TAFA2: variants seen among roughly 807,000 people sequenced by gnomAD.
TAFA2 encodes TAFA chemokine like family member 2.
In TAFA2, 7 loss-of-function variants were observed where a neutral mutation model predicts 18.8. The ratio of observed to expected loss-of-function variants is 0.37; its 90% CI spans 0.21 to 0.70. The LOEUF (loss-of-function observed/expected upper bound fraction) is 0.70, where lower values mean the gene tolerates loss of function less well. TAFA2 is among the 30% of genes least tolerant of loss of function. The pLI, the probability that TAFA2 is intolerant of heterozygous loss-of-function variation, is 0.53. For missense variants in TAFA2, 122 were observed against 158.1 expected, an observed-to-expected ratio of 0.77 and a Z score of 1.23; for synonymous variants, 60 against 54.2, an observed-to-expected ratio of 1.11 and a Z score of -0.47.
In TAFA2 at chr12:61,773,352, A is replaced by G. The variant is rs566928000; in HGVS notation, c.107-18328T>C. ...AGCATTCTTCACAGAAGTAGAAAAA[A>G]CAATCCTAAAATTCATGTAGAACCA... On this transcript the variant is annotated intron_variant, in intron 2 of 4. Coordinates refer to ENST00000416284, the MANE Select transcript of TAFA2 (RefSeq NM_178539.5). 1.7e-3 allele frequency among the ~76,000 whole-genome samples: 254 copies of G among 152,112 alleles called. 2 individuals carry two copies. Among genetic ancestry groups the G allele is most frequent in the African/African-American group, 5.8e-3 (239 of 41,554 alleles).
chr12:62,124,192 A>C (rs750981470), intron 1 of TAFA2, among the ~76,000 whole-genome samples: 31 of 152,194 alleles, frequency 2.0e-4, no homozygotes, highest in Non-Finnish European at 3.7e-4. Flanking sequence ...TACAGAAAAA[A>C]AAGCTTCAAG....
At chr12:62,059,137 A>ATGTGTGTGTGTGTG (rs779755647) in intron 1 of TAFA2, among the ~76,000 whole-genome samples, 5,105 of 43,132 alleles carry the variant, frequency 0.12, 163 homozygotes, top group Non-Finnish European at 0.16. Flanking sequence ...ATATGTGTGT[A>ATGTGTGTGTGTGTG]TATGTGTGTG....
At chr12:61,760,365 A>AAT (rs71083956) in intron 2 of TAFA2, among the ~76,000 whole-genome samples, 9,749 of 122,116 alleles carry the variant, frequency 0.08, 1,561 homozygotes, top group African/African-American at 0.27. Context: ...AAAATATCAA[A>AAT]ATATATATAT....
At chr12:62,083,881 T>C (rs1423999158) in intron 1 of TAFA2, among the ~76,000 whole-genome samples, 1 of 152,176 alleles carries the variant, frequency 6.6e-6, no homozygotes, top group African/African-American at 2.4e-5. Flanking sequence ...TTTTATTTTT[T>C]ATAATCTAAT....
intron 1 of TAFA2, among the ~76,000 whole-genome samples, chr12:62,025,395 C>T (rs1271041956): frequency 1.3e-5 from 2 of 151,610 alleles, no homozygotes; most frequent in Non-Finnish European, 2.9e-5. Flanking sequence ...CATGTACCCC[C>T]AAATCAAAAA....
chr12:61,913,986 A>G (rs1196474967), intron 1 of TAFA2, among the ~76,000 whole-genome samples: 1 of 152,192 alleles, frequency 6.6e-6, no homozygotes, highest in Admixed American at 6.5e-5. Flanking sequence ...TGATAAAGTA[A>G]CAGAAACAGG....
chr12:61,971,528 G>A (rs1451659364), intron 1 of TAFA2, among the ~76,000 whole-genome samples: 2 of 151,468 alleles, frequency 1.3e-5, no homozygotes, highest in Non-Finnish European at 3.0e-5. Context: ...TATACAACAT[G>A]GAATACTATG....
intron 1 of TAFA2, among the ~76,000 whole-genome samples, chr12:61,899,216 G>A (rs982979159): frequency 6.6e-6 from 1 of 152,122 alleles, no homozygotes; most frequent in African/African-American, 2.4e-5. Flanking sequence ...CCCCCAAACT[G>A]TTCCAACCTC....
intron 1 of TAFA2, among the ~76,000 whole-genome samples, chr12:62,147,997 T>C (rs1306168598): frequency 6.6e-6 from 1 of 151,858 alleles, no homozygotes; most frequent in Non-Finnish European, 1.5e-5. Flanking sequence ...GAAATGCAAA[T>C]CAAGACCACA....
chr12:62,208,731 C>T (rs1361271432), intron 1 of TAFA2, among the ~76,000 whole-genome samples: 2 of 152,202 alleles, frequency 1.3e-5, no homozygotes, highest in Non-Finnish European at 1.5e-5. Flanking sequence ...TTCCCCTCTT[C>T]CATCATAAAA....
At chr12:62,174,226 G>A (rs1239807181) in intron 1 of TAFA2, among the ~76,000 whole-genome samples, 1 of 152,148 alleles carries the variant, frequency 6.6e-6, no homozygotes, top group East Asian at 1.9e-4. Flanking sequence ...TGAGGCAGGA[G>A]AATCGCTTGA....
At chr12:61,918,371 T>C (rs1455660494) in intron 1 of TAFA2, among the ~76,000 whole-genome samples, 1 of 152,184 alleles carries the variant, frequency 6.6e-6, no homozygotes, top group Non-Finnish European at 1.5e-5. Flanking sequence ...TCAATTGTTT[T>C]AATTTTTAGA....
intron 2 of TAFA2, among the ~76,000 whole-genome samples, chr12:61,817,168 TG>T (rs1340635609): frequency 2.1e-5 from 3 of 146,210 alleles, no homozygotes; most frequent in Non-Finnish European, 4.4e-5. Context: ...GACTGGAAAG[TG>T]GGCTTATATT....
chr12:61,826,846 A>G lies in TAFA2; in HGVS notation c.106+40474T>C, dbSNP rs528335905. Among the ~76,000 whole-genome samples, 11 of 152,144 alleles carry G rather than the reference A, an allele frequency of 7.2e-5. 2 individuals carry two copies. Among genetic ancestry groups the G allele is most frequent in the African/African-American group, 2.4e-4 (10 of 41,550 alleles). ...TCTTGGGTTTTATGATATATATGTA[A>G]GAAAATGACAGAAGATCAGTAAAGA... On this transcript the variant is annotated intron_variant, in intron 2 of 4. Coordinates refer to ENST00000416284, the MANE Select transcript of TAFA2 (RefSeq NM_178539.5).
intron 1 of TAFA2, among the ~76,000 whole-genome samples, chr12:61,918,159 A>C (rs1167295599): frequency 6.6e-6 from 1 of 152,146 alleles, no homozygotes; most frequent in Non-Finnish European, 1.5e-5. Flanking sequence ...TTTGTGTTTC[A>C]AACAATCAAA....
At chr12:62,114,618 A>G (rs1869880647) in intron 1 of TAFA2, among the ~76,000 whole-genome samples, 1 of 152,222 alleles carries the variant, frequency 6.6e-6, no homozygotes, top group South Asian at 2.1e-4. Flanking sequence ...TACCATTGCC[A>G]GGCATATTAA....
intron 1 of TAFA2, among the ~76,000 whole-genome samples, chr12:62,214,927 C>A (rs185410455): frequency 6.6e-6 from 1 of 152,214 alleles, no homozygotes; most frequent in East Asian, 1.9e-4. Flanking sequence ...GAAGGGATAC[C>A]ACTCTAGAGA....
chr12:61,941,789 C>T (rs558492036), intron 1 of TAFA2, among the ~76,000 whole-genome samples: 11 of 152,320 alleles, frequency 7.2e-5, no homozygotes, highest in Non-Finnish European at 1.5e-4. Context: ...CCACACCTGG[C>T]TCGGAGGGTC....
chr12:61,935,388 A>G (rs1268292339), intron 1 of TAFA2, among the ~76,000 whole-genome samples: 2 of 152,188 alleles, frequency 1.3e-5, no homozygotes, highest in African/African-American at 4.8e-5. Flanking sequence ...CCACTAGACC[A>G]AATTGCCATT....
Sources: allele counts gnomAD v4.1 joint callset (sites outside exome capture counted in the v4.1 genomes callset), GRCh38; gene constraint gnomAD v4.1.1; transcripts MANE v1.5; gene names NCBI Gene and HGNC (gene_info 2026-07-23, HGNC 2026-07-21).